Variants in NCK2 observed in about 807,000 individuals in gnomAD.
The protein encoded by NCK2 is NCK adaptor protein 2, also known as cytoplasmic protein NCK2.
In NCK2, 16 loss-of-function variants were observed where a neutral mutation model predicts 33.9. The observed-to-expected ratio is 0.47, with a 90% CI of 0.32 to 0.72. The LOEUF is 0.72. Ranked by LOEUF, NCK2 falls within the 30% of genes least tolerant of loss-of-function variation. The pLI is 0.03. For missense variants in NCK2, 418 were observed against 537.3 expected (o/e 0.78, Z 2.19); for synonymous variants, 273 against 239.9 (o/e 1.14, Z -1.27).
chr2:105,807,180 G>T (rs1251000256), intron 1 of NCK2, among the ~76,000 whole-genome samples: 1 of 152,140 alleles, frequency 6.6e-6, no homozygotes, highest in Non-Finnish European at 1.5e-5. Context: ...TTAGAACCTG[G>T]GCCCTGACCG....
chr2:105,808,893 C>CT (rs1378108448), intron 1 of NCK2, among the ~76,000 whole-genome samples: 3 of 152,108 alleles, frequency 2.0e-5, no homozygotes, highest in Non-Finnish European at 2.9e-5. Context: ...TGTGGGCAAA[C>CT]TAATTTTTGC....
In NCK2 at chr2:105,881,750, G is replaced by T. The variant is rs1678502691; in HGVS notation, c.649G>T (p.Glu217Ter). ...SSVTEEELNFEKGETMEVIEK... is the reference protein window; with the variant it reads ...SSVTEEELNF ...AGTCACCGAGGAGGAGCTCAACTTC[G>T]AGAAGGGGGAGACCATGGAGGTGAT... Residue 217 changes from glutamate to a stop codon, truncating the protein, a stop_gained, in exon 4 of 5, where the codon GAG (glutamate) becomes TAG (stop). Transcript: ENST00000233154. LOFTEE classifies it high-confidence loss of function. 6.2e-7 allele frequency: 1 copy of T among 1,614,114 alleles called. No homozygotes were observed. Among genetic ancestry groups the T allele is most frequent in the Non-Finnish European group, 8.5e-7 (1 of 1,180,042 alleles).
intron 2 of NCK2, among the ~76,000 whole-genome samples, chr2:105,825,700 A>G (rs1558856752): frequency 6.6e-6 from 1 of 152,240 alleles, no homozygotes. Flanking sequence ...ATTTTTGCCC[A>G]GCAGGGCTAT....
chr2:105,833,373 G>A (rs929931189), intron 2 of NCK2, among the ~76,000 whole-genome samples: 6 of 152,114 alleles, frequency 3.9e-5, no homozygotes, highest in Non-Finnish European at 7.3e-5. Context: ...TTACAGGTGT[G>A]AGCCACTGCA....
intron 1 of NCK2, among the ~76,000 whole-genome samples, chr2:105,801,312 C>G (rs1674826559): frequency 6.6e-6 from 1 of 152,130 alleles, no homozygotes; most frequent in African/African-American, 2.4e-5. Context: ...TTGTAGGGAT[C>G]CCCCAGCCCC....
intron 2 of NCK2, among the ~76,000 whole-genome samples, chr2:105,830,691 G>GTGTGTGTGTGTGTGTGTGTGTGTA (rs1676144844): frequency 4.8e-5 from 7 of 147,092 alleles, no homozygotes; most frequent in Non-Finnish European, 8.9e-5. Flanking sequence ...GTGTGTGTGT[G>GTGTGTGTGTGTGTGTGTGTGTGTA]TGTGTGTGTG....
At chr2:105,769,936 A>G (rs1357022476) in intron 1 of NCK2, among the ~76,000 whole-genome samples, 1 of 152,172 alleles carries the variant, frequency 6.6e-6, no homozygotes, top group East Asian at 1.9e-4. Context: ...TGGAGCCAGA[A>G]TGCCTTGGCC....
At chr2:105,776,823 A>G (rs1690319489) in intron 1 of NCK2, among the ~76,000 whole-genome samples, 1 of 151,986 alleles carries the variant, frequency 6.6e-6, no homozygotes, top group South Asian at 2.1e-4. Context: ...TCTTTCTGGT[A>G]GTCAGTACTG....
chr2:105,892,613 G>T (rs115095346), intron 4 of NCK2, among the ~76,000 whole-genome samples: 6 of 137,188 alleles, frequency 4.4e-5, no homozygotes, highest in South Asian at 2.8e-4. Context: ...AGGCTGGGAG[G>T]GGGGTGGGGA....
rs1036000053 is a variant in NCK2 at position 105,777,251 on chromosome 2, C to CG, written c.-201+32120dup. Among the ~76,000 whole-genome samples the CG allele has an allele frequency of 2.4e-4, 37 of 152,132 alleles. 2 individuals are homozygous for CG. The South Asian group carries it at 5.4e-3, about 22-fold the overall frequency. ...CCCATAGCCACGAGCCGGGGTGTTG[C>CG]GGGGGGGCAACGCTTTGCCCTTCCT... On this transcript the variant is annotated intron_variant, in intron 1 of 4. Transcript: ENST00000233154.
intron 1 of NCK2, among the ~76,000 whole-genome samples, chr2:105,747,825 A>G (rs1015400283): frequency 1.3e-5 from 2 of 152,220 alleles, no homozygotes; most frequent in Non-Finnish European, 2.9e-5. Context: ...ATCTTGTTCC[A>G]TGCCTGAGTT....
intron 4 of NCK2, among the ~76,000 whole-genome samples, chr2:105,887,868 G>A (rs1176929447): frequency 6.6e-6 from 1 of 152,216 alleles, no homozygotes; most frequent in African/African-American, 2.4e-5. Flanking sequence ...GGATCAAAGA[G>A]TGTGCTCTCT....
At position 105,844,834 on chromosome 2, in the gene NCK2, A is replaced by T. The variant is rs1040504642; in HGVS notation, c.-16-10214A>T. ...TATATACATAAAAATAGATATATAT[A>T]TTTTGAAATATCAAGCACAGATGCT... On this transcript the variant is annotated intron_variant, in intron 2 of 4. Coordinates refer to ENST00000233154, the MANE Select transcript of NCK2 (RefSeq NM_003581.5). Among the ~76,000 whole-genome samples the T allele has an allele frequency of 1.3e-4, 20 of 149,764 alleles. No homozygotes were observed. In the East Asian group the frequency reaches 3.1e-3, roughly 23 times the overall value.
intron 1 of NCK2, among the ~76,000 whole-genome samples, chr2:105,784,108 A>T (rs2104408920): frequency 6.6e-6 from 1 of 152,050 alleles, no homozygotes; most frequent in Non-Finnish European, 1.5e-5. Flanking sequence ...CGTCACTGGG[A>T]GCTTTTCTTT....
intron 4 of NCK2, among the ~76,000 whole-genome samples, chr2:105,889,322 C>T (rs1678862909): frequency 1.3e-5 from 2 of 152,252 alleles, no homozygotes; most frequent in African/African-American, 4.8e-5. Flanking sequence ...CTGGAGCTCC[C>T]TCCATCATGG....
chr2:105,883,942 A>G (rs2104669475), intron 4 of NCK2, among the ~76,000 whole-genome samples: 1 of 152,324 alleles, frequency 6.6e-6, no homozygotes, highest in East Asian at 1.9e-4. Flanking sequence ...GGCTCTGCAC[A>G]CATAGCAGCA....
upstream of NCK2, chr2:105,744,881 C>CGCCGCCGCCGCCGCCGCT (rs1217661932): frequency 5.0e-5 from 8 of 161,078 alleles, no homozygotes; most frequent in Non-Finnish European, 9.0e-5. Context: ...CCGCCGCCGC[C>CGCCGCCGCCGCCGCCGCT]GCCGCCGCCG....
intron 3 of NCK2, among the ~76,000 whole-genome samples, chr2:105,874,012 G>C (rs576896644): frequency 5.3e-5 from 8 of 152,330 alleles, no homozygotes; most frequent in Non-Finnish European, 7.3e-5. Flanking sequence ...GGCTCGGGGT[G>C]AGATGGGGCC....
At chr2:105,882,980 A>G (rs911707861) in intron 4 of NCK2, among the ~76,000 whole-genome samples, 1 of 152,196 alleles carries the variant, frequency 6.6e-6, no homozygotes, top group African/African-American at 2.4e-5. Context: ...GGCACAATGA[A>G]TAAGTGCTCA....
Sources: gnomAD v4.1 joint callset for allele counts (sites outside exome capture counted in the v4.1 genomes callset) on GRCh38, gnomAD v4.1.1 for gene constraint, MANE v1.5 for transcripts, NCBI Gene and HGNC (gene_info 2026-07-23, HGNC 2026-07-21) for gene names.